Variants in PLEKHG3 observed in about 807,000 individuals in gnomAD.
PLEKHG3 encodes pleckstrin homology and RhoGEF domain containing G3.
A neutral mutation model predicts 94.9 loss-of-function variants in PLEKHG3; 62 were observed. The ratio of observed to expected loss-of-function variants is 0.65; its 90% CI spans 0.53 to 0.81. PLEKHG3 has a LOEUF of 0.81. Ranked by LOEUF, PLEKHG3 falls within the 30% of genes least tolerant of loss-of-function variation. The pLI is 0.00. For synonymous variants in PLEKHG3, 614 were observed against 654.0 expected (o/e 0.94, Z 0.93); for missense variants, 1,461 against 1,619.3 (o/e 0.90, Z 1.68).
Position 64,744,405 on chromosome 14 carries a change from G to T in PLEKHG3, c.*702G>T, listed in dbSNP as rs2139401765. The T allele has an allele frequency of 6.5e-6, 1 of 152,672 alleles. No individual in the cohort carries two copies. Among genetic ancestry groups the T allele is most frequent in the Non-Finnish European group, 1.5e-5 (1 of 68,060 alleles). The allele number at this position is 152,672 out of a possible 1,614,324, so 9.5% of individuals were successfully genotyped here. A position where few individuals can be genotyped will look rare whatever the true frequency, so the allele number is the denominator to read the frequency against. Reference sequence around the variant, plus strand: ...TAGGGAAGGTTATTCATGGGCCAGGGATGTCTTAGGGAGATGGAGACATGG... The same window carrying T: ...TAGGGAAGGTTATTCATGGGCCAGGTATGTCTTAGGGAGATGGAGACATGG... On this transcript the variant is annotated 3_prime_UTR_variant, in exon 17 of 17. Coordinates refer to ENST00000247226, the MANE Select transcript of PLEKHG3 (RefSeq NM_001308147.2).
chr14:64,712,431 A>G (rs2081077524), intron 1 of PLEKHG3, among the ~76,000 whole-genome samples: 1 of 152,118 alleles, frequency 6.6e-6, no homozygotes, highest in East Asian at 1.9e-4. Context: ...TTGCCATATT[A>G]ACAATGTTAA....
Position 64,742,099 on chromosome 14 carries a change from C to T in PLEKHG3, c.2582C>T (p.Ser861Leu), listed in dbSNP as rs773799843. 27 of 1,610,130 alleles carry T rather than the reference C, an allele frequency of 1.7e-5. No individual in the cohort carries two copies. The East Asian group carries it at 2.9e-4, about 17-fold the overall frequency. ...GAGCTGGGAGCCATCACAGAGGAGT[C>T]GGCCACTGCCTCCCCGGAAAGCTCC... ...EHELGAITEE[S>L]ATASPESSSP... Residue 861 changes from serine (S) to leucine (L), a missense_variant, in exon 16 of 17, where the codon TCG (serine) becomes TTG (leucine). Physicochemically the swap from Ser to Leu is moderately radical, Grantham distance 145. Transcript: ENST00000247226.
chr14:64,748,352 G>A lies in PLEKHG3; in HGVS notation c.*4649G>A, dbSNP rs2081881892. 1.3e-5 allele frequency: 2 copies of A among 152,250 alleles called. No homozygotes were observed. The highest frequency in any genetic ancestry group is 4.8e-5 in the African/African-American group (2 of 41,426). 9.4% of individuals were successfully genotyped at this position (152,250 alleles called of 1,614,324 possible). The stretch of plus-strand genomic sequence containing the variant: ...TGGGGGCCCACACTGTCCCGTAGGG[G>A]GCCTATGTCTGTTGGATATTGCTGG... On this transcript the variant is annotated 3_prime_UTR_variant, in exon 17 of 17. Transcript: ENST00000247226.
intron 12 of PLEKHG3, among the ~76,000 whole-genome samples, chr14:64,735,189 A>G (rs2139388838): frequency 6.6e-6 from 1 of 152,300 alleles, no homozygotes; most frequent in South Asian, 2.1e-4. Context: ...GTGGGTTGCC[A>G]TAGAGACAGC....
rs1298208488 is a variant in PLEKHG3 at position 64,731,134 on chromosome 14, A to T, written c.814A>T (p.Met272Leu). 6.2e-7 allele frequency: 1 copy of T among 1,608,524 alleles called. No individual in the cohort carries two copies. The highest frequency in any genetic ancestry group is 1.1e-5 in the South Asian group (1 of 90,948). The change falls in exon 7 of 17, where the codon ATG (methionine) becomes TTG (leucine). Residue 272 changes from methionine to leucine, a missense_variant. By Grantham distance (15) the Met-to-Leu change is conservative (BLOSUM62 2). This residue lies in a region of PLEKHG3 where 1,201 missense variants were observed against 1,295.5 expected (regional missense o/e 0.93). Coordinates refer to ENST00000247226, the MANE Select transcript of PLEKHG3 (RefSeq NM_001308147.2). The surrounding 1 kb of genome is among the most constrained non-coding windows in gnomAD (Gnocchi z 6.1). ...MTCVAWYINDMKRRHEHAVRL... is the reference protein window; with the variant it reads ...MTCVAWYINDLKRRHEHAVRL... ...CTGTGTGGCCTGGTACATCAACGAC[A>T]TGAAGAGGAGGCATGAGCACGCGGT...
rs1199319486 is a variant in PLEKHG3 at position 64,716,917 on chromosome 14, G to A, written c.-39-10676G>A. 6.6e-6 allele frequency among the ~76,000 whole-genome samples: 1 copy of A among 152,222 alleles called. No homozygotes were observed. Among genetic ancestry groups the A allele is most frequent in the Non-Finnish European group, 1.5e-5 (1 of 68,042 alleles). On this transcript the variant is annotated intron_variant, in intron 1 of 16. Transcript: ENST00000247226. This position sits in a 1 kb window ranked among gnomAD's most constrained non-coding sequence, Gnocchi z 5.0. ...TACGCTCCCAGCTGAGGCAGGAAGTGCCCCTCCTCTACCCAGGAACTGGTT... is the reference window on the plus strand; with the variant it reads ...TACGCTCCCAGCTGAGGCAGGAAGTACCCCTCCTCTACCCAGGAACTGGTT...
rs992108637 is a variant in PLEKHG3, at chr14:64,731,254, T to G, written c.849+85T>G. On this transcript the variant is annotated intron_variant, in intron 7 of 16. Coordinates refer to ENST00000247226, the MANE Select transcript of PLEKHG3 (RefSeq NM_001308147.2). The surrounding 1 kb of genome is among the most constrained non-coding windows in gnomAD (Gnocchi z 6.1). ...GGAAGAGGGACTGTGGCCACCCTGC[T>G]GGGATGAGCTGGGCAGTGGCATTGG... 2.7e-6 allele frequency: 4 copies of G among 1,458,430 alleles called. No homozygotes were observed. The highest frequency in any genetic ancestry group is 3.8e-6 in the Non-Finnish European group (4 of 1,051,404). The allele number at this position is 1,458,430 out of a possible 1,614,324, so 90.3% of individuals were successfully genotyped here. A position where few individuals can be genotyped will look rare whatever the true frequency, so the allele number is the denominator to read the frequency against.
Position 64,749,292 on chromosome 14 carries a change from GC to G in PLEKHG3, c.*5591del. On this transcript the variant is annotated 3_prime_UTR_variant, in exon 17 of 17. Transcript: ENST00000247226. This position sits in a 1 kb window ranked among gnomAD's most constrained non-coding sequence, Gnocchi z 4.7. ...TGCGCGTCCCGACTCCGCCGCGCCC[GC>G]CAGCCCCACCTGCTACTTCTTTTTG... is the stretch of plus-strand genomic sequence containing the variant. The G allele has an allele frequency of 6.3e-7, 1 of 1,579,722 alleles. No individual in the cohort carries two copies. Among genetic ancestry groups the G allele is most frequent in the Non-Finnish European group, 8.6e-7 (1 of 1,166,884 alleles).
chr14:64,749,125 G>T lies in PLEKHG3; in HGVS notation c.*5422G>T. The T allele has an allele frequency of 1.6e-6, 1 of 633,864 alleles. No homozygotes were observed. Among genetic ancestry groups the T allele is most frequent in the Admixed American group, 3.3e-5 (1 of 29,880 alleles). The allele number at this position is 633,864 out of a possible 1,614,324, so 39.3% of individuals were successfully genotyped here. A position where few individuals can be genotyped will look rare whatever the true frequency, so the allele number is the denominator to read the frequency against. On this transcript the variant is annotated 3_prime_UTR_variant, in exon 17 of 17. Coordinates refer to ENST00000247226, the MANE Select transcript of PLEKHG3 (RefSeq NM_001308147.2). This position sits in a 1 kb window ranked among gnomAD's most constrained non-coding sequence, Gnocchi z 4.7. ...GCCAGCGCGGGCGAGGGCATGGAGG[G>T]GGCGTCGGCCCAGGACACGCGGGCG...
In PLEKHG3 at chr14:64,745,250, C is replaced by T. The variant is rs2081813283; in HGVS notation, c.*1547C>T. The stretch of plus-strand genomic sequence containing the variant: ...CTCCCTATTTCAGTTGGGTTTTCTG[C>T]CCTTTCTCCACAGAGGTCCAGACTC... On this transcript the variant is annotated 3_prime_UTR_variant, in exon 17 of 17. Coordinates refer to ENST00000247226, the MANE Select transcript of PLEKHG3 (RefSeq NM_001308147.2). This position sits in a 1 kb window ranked among gnomAD's most constrained non-coding sequence, Gnocchi z 5.0. 1.3e-5 allele frequency: 2 copies of T among 152,208 alleles called. No individual in the cohort carries two copies. Among genetic ancestry groups the T allele is most frequent in the Non-Finnish European group, 2.9e-5 (2 of 68,060 alleles). The allele number at this position is 152,208 out of a possible 1,614,324, so 9.4% of individuals were successfully genotyped here. A position where few individuals can be genotyped will look rare whatever the true frequency, so the allele number is the denominator to read the frequency against.
At chr14:64,714,904 G>GA (rs146992094) in intron 1 of PLEKHG3, among the ~76,000 whole-genome samples, 3,524 of 152,186 alleles carry the variant, frequency 0.023, 144 homozygotes, top group African/African-American at 0.08. Context: ...GACCTGGGGG[G>GA]AAAAAAGCAC....
At chr14:64,705,533 C>G (rs183949359) in intron 1 of PLEKHG3, among the ~76,000 whole-genome samples, 179 of 152,304 alleles carry the variant, frequency 1.2e-3, no homozygotes, top group African/African-American at 4.1e-3. Context: ...ATGTAGGTGC[C>G]TGTCCCCTGC....
At position 64,741,248 on chromosome 14, in the gene PLEKHG3, C is replaced by T. The variant is rs764440471; in HGVS notation, c.1731C>T (p.Ser577=). 1.9e-5 allele frequency: 30 copies of T among 1,613,798 alleles called. No individual in the cohort carries two copies. Among genetic ancestry groups the T allele is most frequent in the East Asian group, 4.5e-5 (2 of 44,888 alleles). The change falls in exon 16 of 17, where the codon AGC becomes AGT. Residue 577 remains serine, a synonymous_variant. Transcript: ENST00000247226. ...ESTEDLKALS[S]EEEEEMGGAA... ...CTGAGGACCTTAAGGCCCTGAGCAG[C>T]GAGGAGGAAGAAGAAATGGGAGGTG...
At position 64,749,983 on chromosome 14, in the gene PLEKHG3, C is replaced by T; in HGVS notation, c.*6280C>T. On this transcript the variant is annotated 3_prime_UTR_variant, in exon 17 of 17. Coordinates refer to ENST00000247226, the MANE Select transcript of PLEKHG3 (RefSeq NM_001308147.2). The surrounding 1 kb of genome is among the most constrained non-coding windows in gnomAD (Gnocchi z 4.7). ...TTCAAAGGCCAGGAAGGCCTCACCT[C>T]AGCTTAAAGACGTGCTTCTTCTTCT... 1 of 1,614,246 alleles carries T rather than the reference C, an allele frequency of 6.2e-7. No individual in the cohort carries two copies. The highest frequency in any genetic ancestry group is 8.5e-7 in the Non-Finnish European group (1 of 1,180,044).
At chr14:64,724,017 G>C (rs554979062) in intron 1 of PLEKHG3, 1 of 152,256 alleles carries the variant, frequency 6.6e-6, no homozygotes, top group Non-Finnish European at 1.5e-5. Flanking sequence ...TAGCAGACAG[G>C]GTCTTCCGAG....
At position 64,716,588 on chromosome 14, in the gene PLEKHG3, C is replaced by T. The variant is rs1163645191; in HGVS notation, c.-39-11005C>T. 6.8e-6 allele frequency among the ~76,000 whole-genome samples: 1 copy of T among 146,832 alleles called. No individual in the cohort carries two copies. Among genetic ancestry groups the T allele is most frequent in the Non-Finnish European group, 1.5e-5 (1 of 67,106 alleles). ...ATCTCCCACTTCTTCCTGATGTTTC[C>T]TTTTCCCAGAATCCACAGAGGGTGG... On this transcript the variant is annotated intron_variant, in intron 1 of 16. Coordinates refer to ENST00000247226, the MANE Select transcript of PLEKHG3 (RefSeq NM_001308147.2). This position sits in a 1 kb window ranked among gnomAD's most constrained non-coding sequence, Gnocchi z 5.0.
rs1480647285 is a variant in PLEKHG3 at position 64,729,015 on chromosome 14, T to C, written c.371T>C (p.Ile124Thr). ...ACGCAGGACTACCTCTTGAAGATCA[T>C]TGACACACCCGGGCTGCTGAAGCCA... is the stretch of plus-strand genomic sequence containing the variant. ...SIVEDYLLKI[I>T]DTPGLLKPEQ... The change falls in exon 3 of 17, where the codon ATT (isoleucine) becomes ACT (threonine). Residue 124 changes from isoleucine to threonine, a missense_variant. Ile to Thr is a moderately conservative substitution (Grantham distance 89, BLOSUM62 -1). Transcript: ENST00000247226. 1 of 1,516,034 alleles carries C rather than the reference T, an allele frequency of 6.6e-7. No individual in the cohort carries two copies. Among genetic ancestry groups the C allele is most frequent in the South Asian group, 1.2e-5 (1 of 83,500 alleles). The allele number at this position is 1,516,034 out of a possible 1,614,324, so 93.9% of individuals were successfully genotyped here. A position where few individuals can be genotyped will look rare whatever the true frequency, so the allele number is the denominator to read the frequency against.
chr14:64,735,849 GTTTAA>G (rs1212466130), intron 12 of PLEKHG3, among the ~76,000 whole-genome samples: 2 of 152,176 alleles, frequency 1.3e-5, no homozygotes, highest in Non-Finnish European at 2.9e-5. Context: ...AAGTTCTATT[GTTTAA>G]TTTAAATTAT....
Position 64,749,446 on chromosome 14 carries a change from C to T in PLEKHG3, c.*5743C>T, listed in dbSNP as rs766313135. 3.7e-6 allele frequency: 6 copies of T among 1,602,366 alleles called. No homozygotes were observed. The highest frequency in any genetic ancestry group is 1.7e-4 in the Middle Eastern group (1 of 5,948). On this transcript the variant is annotated 3_prime_UTR_variant, in exon 17 of 17. Transcript: ENST00000247226. The surrounding 1 kb of genome is among the most constrained non-coding windows in gnomAD (Gnocchi z 4.7). ...TGGGACTCGTTGATGGCGGTGCTCA[C>T]GCCCTGCAGCCAGGACAGCATCTCC...
Sources: gnomAD v4.1 joint callset for allele counts (sites outside exome capture counted in the v4.1 genomes callset) on GRCh38, gnomAD v4.1.1 for gene constraint, gnomAD v4.1.1 regional missense constraint, Gnocchi (gnomAD v3.1) non-coding constraint, MANE v1.5 for transcripts, NCBI Gene and HGNC (gene_info 2026-07-23, HGNC 2026-07-21) for gene names.